The following EYS variants were observed in gnomAD, a reference collection of about 807,000 sequenced individuals.
EYS encodes EGF-like photoreceptor maintenance factor.
Under a neutral mutation model 282.1 loss-of-function variants are expected in EYS, and 250 were observed. The ratio of observed to expected loss-of-function variants is 0.89; its 90% CI spans 0.80 to 0.98. The LOEUF is 0.98. EYS is among the 50% of genes least tolerant of loss of function. EYS has a pLI of 0.00. For synonymous variants in EYS, 1,355 were observed against 1,282.9 expected (o/e 1.06, Z -1.20); for missense variants, 4,016 against 3,709.0 (o/e 1.08, Z -2.15).
intron 22 of EYS, among the ~76,000 whole-genome samples, chr6:64,770,109 A>G (rs1339777379): frequency 6.6e-6 from 1 of 151,922 alleles, no homozygotes; most frequent in Non-Finnish European, 1.5e-5. Flanking sequence ...ACTGCTTAGT[A>G]GATTCTAGAA....
chr6:64,028,975 C>A (rs1769677818), intron 33 of EYS, among the ~76,000 whole-genome samples: 1 of 152,162 alleles, frequency 6.6e-6, no homozygotes, highest in Admixed American at 6.5e-5. Context: ...CACCCTAAGA[C>A]ATTAAAACAG....
At chr6:64,569,635 T>G (rs1765144) in intron 26 of EYS, among the ~76,000 whole-genome samples, 116,424 of 151,772 alleles carry the variant, frequency 0.77, 45,566 homozygotes, top group African/African-American at 0.94. Flanking sequence ...CAGCTACTCG[T>G]GAGGCTGAGG....
intron 22 of EYS, among the ~76,000 whole-genome samples, chr6:64,760,193 A>G (rs1237871587): frequency 6.6e-6 from 1 of 152,052 alleles, no homozygotes; most frequent in Non-Finnish European, 1.5e-5. Context: ...TCTTTCCCCC[A>G]TCAGCATCTG....
chr6:65,582,817 A>G (rs1562271460), intron 2 of EYS, among the ~76,000 whole-genome samples: 1 of 152,128 alleles, frequency 6.6e-6, no homozygotes, highest in Non-Finnish European at 1.5e-5. Context: ...AAATACACCT[A>G]AGAAATGTTA....
intron 31 of EYS, among the ~76,000 whole-genome samples, chr6:64,174,140 C>T (rs1425253722): frequency 6.6e-6 from 1 of 151,920 alleles, no homozygotes; most frequent in East Asian, 1.9e-4. Context: ...TTTTATTTAT[C>T]CTTATCAATA....
chr6:64,747,662 G>A (rs1160935867), intron 22 of EYS, among the ~76,000 whole-genome samples: 1 of 152,138 alleles, frequency 6.6e-6, no homozygotes, highest in Non-Finnish European at 1.5e-5. Context: ...ATAGGCGTGA[G>A]CCACCATGCC....
chr6:65,087,602 T>C (rs966688417), intron 12 of EYS, among the ~76,000 whole-genome samples: 2 of 152,088 alleles, frequency 1.3e-5, no homozygotes, highest in Non-Finnish European at 2.9e-5. Flanking sequence ...CTCATAGCAG[T>C]TGAGTGAATG....
rs182340359 is a variant in EYS at position 63,893,979 on chromosome 6, C to T, written c.7056-29621G>A. ...AATTTCCTGGGTTGAGGGGGGCTTA[C>T]GCATTTGGACTTCTGAGAGACCTGA... On this transcript the variant is annotated intron_variant, in intron 35 of 42. Transcript: ENST00000503581. Among the ~76,000 whole-genome samples, 6 of 152,202 alleles carry T rather than the reference C, an allele frequency of 3.9e-5. No individual in the cohort carries two copies. In the East Asian group the frequency reaches 5.8e-4, roughly 15 times the overall value.
intron 5 of EYS, among the ~76,000 whole-genome samples, chr6:65,476,355 G>A (rs1765404731): frequency 2.0e-5 from 3 of 151,766 alleles, no homozygotes; most frequent in Non-Finnish European, 2.9e-5. Flanking sequence ...GACAGAAAAA[G>A]GTATTACATT....
At chr6:64,270,510 T>A (rs1767907946) in intron 30 of EYS, among the ~76,000 whole-genome samples, 1 of 151,938 alleles carries the variant, frequency 6.6e-6, no homozygotes, top group Admixed American at 6.6e-5. Context: ...AGTGGAGAAA[T>A]CAACACAATG....
chr6:64,863,973 C>A (rs1469587081), intron 19 of EYS, among the ~76,000 whole-genome samples: 1 of 152,168 alleles, frequency 6.6e-6, no homozygotes, highest in Non-Finnish European at 1.5e-5. Flanking sequence ...ATTCCCTATG[C>A]TACATTTTGG....
chr6:64,101,508 C>T (rs1441370277), intron 31 of EYS, among the ~76,000 whole-genome samples: 1 of 151,266 alleles, frequency 6.6e-6, no homozygotes, highest in South Asian at 2.1e-4. Flanking sequence ...GTTTTGAGAA[C>T]AAAAACAAAA....
At chr6:64,626,270 A>T in intron 22 of EYS, 25 bp from the exon 23 acceptor site, 4 of 1,518,302 alleles carry the variant, frequency 2.6e-6, no homozygotes, top group Non-Finnish European at 3.5e-6. Context: ...TGAAAACGAT[A>T]TTTGTATATA....
At position 64,336,596 on chromosome 6, in the gene EYS, G is replaced by C. The variant is rs138452132; in HGVS notation, c.6079-29514C>G. The stretch of plus-strand genomic sequence containing the variant: ...ACAGAAAGTCAACAAAGAAACAATG[G>C]ATTTAAATTATACCTTAGAACAAAT... On this transcript the variant is annotated intron_variant, in intron 29 of 42. Transcript: ENST00000503581. Among the ~76,000 whole-genome samples, 525 of 152,100 alleles carry C rather than the reference G, an allele frequency of 3.5e-3. 4 individuals carry two copies. Among genetic ancestry groups the C allele is most frequent in the African/African-American group, 0.012 (481 of 41,490 alleles).
chr6:64,084,331 A>G (rs760937358), intron 31 of EYS, among the ~76,000 whole-genome samples: 2 of 152,164 alleles, frequency 1.3e-5, no homozygotes, highest in Non-Finnish European at 2.9e-5. Flanking sequence ...CATTGCACAG[A>G]TTAAGTTAAG....
chr6:63,888,188 G>A (rs753740349), intron 35 of EYS, among the ~76,000 whole-genome samples: 6 of 152,220 alleles, frequency 3.9e-5, no homozygotes, highest in Admixed American at 2.0e-4. Flanking sequence ...GAGCACTGGG[G>A]GAAGGGGCAG....
intron 30 of EYS, among the ~76,000 whole-genome samples, chr6:64,251,086 T>C (rs1767197366): frequency 6.6e-6 from 1 of 152,180 alleles, no homozygotes. Context: ...TTGCCTTGTC[T>C]GATATGAACG....
intron 26 of EYS, among the ~76,000 whole-genome samples, chr6:64,586,985 A>G (rs1766253773): frequency 6.6e-6 from 1 of 152,076 alleles, no homozygotes; most frequent in African/African-American, 2.4e-5. Flanking sequence ...TTTCCTTTGT[A>G]TGTTAAATTA....
At chr6:64,465,884 A>T (rs1775901588) in intron 26 of EYS, among the ~76,000 whole-genome samples, 1 of 152,138 alleles carries the variant, frequency 6.6e-6, no homozygotes, top group Non-Finnish European at 1.5e-5. Flanking sequence ...AAAATATTTA[A>T]GAAACTGAAA....
Sources: gnomAD v4.1 joint callset for allele counts (sites outside exome capture counted in the v4.1 genomes callset) on GRCh38, gnomAD v4.1.1 for gene constraint, MANE v1.5 for transcripts, NCBI Gene and HGNC (gene_info 2026-07-23, HGNC 2026-07-21) for gene names.